RNGTT: variants seen among roughly 807,000 people sequenced by gnomAD.
RNGTT encodes the protein RNA guanylyltransferase and 5'-phosphatase, also known as mRNA-capping enzyme.
A neutral mutation model predicts 79.3 loss-of-function variants in RNGTT; 33 were observed. That is an observed-to-expected ratio of 0.42 (90% CI 0.32 to 0.56). The LOEUF is 0.56. Ranked by LOEUF, RNGTT falls within the 20% of genes least tolerant of loss-of-function variation. The probability of loss-of-function intolerance (pLI) is 0.17; values close to 1 mark genes in which losing one functional copy is unlikely to be tolerated. For synonymous variants in RNGTT, 222 were observed against 235.9 expected, an observed-to-expected ratio of 0.94 and a Z score of 0.54; for missense variants, 497 against 739.1, an observed-to-expected ratio of 0.67 and a Z score of 3.80.
At chr6:88,739,761 ATATATATATATATATATG>A (rs1777417835) in intron 13 of RNGTT, among the ~76,000 whole-genome samples, 1 of 61,746 alleles carries the variant, frequency 1.6e-5, no homozygotes, top group Non-Finnish European at 4.1e-5. Context: ...ATATATATAT[ATATATATATATATATATG>A]TTAACACATG....
In RNGTT at chr6:88,801,549, G is replaced by T; in HGVS notation, c.1338+15C>A. On this transcript the variant is annotated intron_variant, in intron 12 of 15. Transcript: ENST00000369485. The stretch of plus-strand genomic sequence containing the variant: ...ACACACAAACGAACACACACACACA[G>T]ACAAATGAACTTACTCCAGTAGGCT... The T allele has an allele frequency of 6.3e-7, 1 of 1,596,036 alleles. No individual in the cohort carries two copies. Among genetic ancestry groups the T allele is most frequent in the South Asian group, 1.1e-5 (1 of 90,266 alleles).
intron 13 of RNGTT, among the ~76,000 whole-genome samples, chr6:88,699,682 A>G (rs1775879846): frequency 1.3e-5 from 2 of 152,304 alleles, no homozygotes; most frequent in Admixed American, 1.3e-4. Context: ...AAACAAAAAA[A>G]CACAATGGAT....
intron 11 of RNGTT, among the ~76,000 whole-genome samples, chr6:88,826,070 T>C (rs1252839853): frequency 2.0e-5 from 3 of 152,232 alleles, no homozygotes; most frequent in Non-Finnish European, 4.4e-5. Context: ...CGTTCACATG[T>C]CTGAAAACAG....
At chr6:88,632,494 G>C (rs373742799) in intron 14 of RNGTT, among the ~76,000 whole-genome samples, 29 of 150,236 alleles carry the variant, frequency 1.9e-4, no homozygotes, top group African/African-American at 6.9e-4. Context: ...TTTATCTAAT[G>C]CAAGAAAAAC....
intron 13 of RNGTT, among the ~76,000 whole-genome samples, chr6:88,759,841 T>C (rs1306681625): frequency 6.7e-6 from 1 of 149,406 alleles, no homozygotes; most frequent in African/African-American, 2.5e-5. Context: ...AATCCTATGT[T>C]CCTAAGTTAC....
chr6:88,657,730 G>A (rs1228243420), intron 14 of RNGTT, among the ~76,000 whole-genome samples: 1 of 152,112 alleles, frequency 6.6e-6, no homozygotes, highest in African/African-American at 2.4e-5. Flanking sequence ...GGGCACAGTG[G>A]GAGGAAGACT....
intron 14 of RNGTT, among the ~76,000 whole-genome samples, chr6:88,632,538 CACACAG>C (rs774075963): frequency 0.023 from 2,188 of 96,316 alleles, 27 homozygotes; most frequent in African/African-American, 0.05. Flanking sequence ...GACACACAGA[CACACAG>C]ACACACACAC....
At chr6:88,685,846 C>T (rs1775257928) in intron 13 of RNGTT, among the ~76,000 whole-genome samples, 1 of 151,652 alleles carries the variant, frequency 6.6e-6, no homozygotes, top group Admixed American at 6.6e-5. Flanking sequence ...AGAGGAAACA[C>T]ACTTAATGGG....
chr6:88,730,515 A>T (rs911244989), intron 13 of RNGTT, among the ~76,000 whole-genome samples: 4 of 152,218 alleles, frequency 2.6e-5, no homozygotes, highest in African/African-American at 9.6e-5. Context: ...TGCCTTGCTC[A>T]GAATTAAAAA....
At chr6:88,695,542 C>T (rs1439402840) in intron 13 of RNGTT, among the ~76,000 whole-genome samples, 1 of 152,124 alleles carries the variant, frequency 6.6e-6, no homozygotes, top group Non-Finnish European at 1.5e-5. Flanking sequence ...CTTTTGTATA[C>T]TATTGGTGGG....
At chr6:88,929,803 T>C (rs531159451) in intron 2 of RNGTT, among the ~76,000 whole-genome samples, 4 of 151,848 alleles carry the variant, frequency 2.6e-5, no homozygotes, top group African/African-American at 9.7e-5. Context: ...ATATATGATG[T>C]GTATATATAT....
intron 13 of RNGTT, among the ~76,000 whole-genome samples, chr6:88,720,452 T>C (rs55775705): frequency 0.025 from 3,734 of 152,156 alleles, 140 homozygotes; most frequent in African/African-American, 0.085. Context: ...ATACAAGTTA[T>C]ACCACCTCTC....
chr6:88,809,877 T>C (rs576503893), intron 11 of RNGTT, among the ~76,000 whole-genome samples: 1 of 150,970 alleles, frequency 6.6e-6, no homozygotes, highest in African/African-American at 2.4e-5. Flanking sequence ...AGTGAGACCC[T>C]GTCTCTACAA....
intron 8 of RNGTT, among the ~76,000 whole-genome samples, chr6:88,864,033 C>T (rs1207891168): frequency 6.6e-6 from 1 of 152,228 alleles, no homozygotes; most frequent in Non-Finnish European, 1.5e-5. Context: ...CTCCACTGCT[C>T]AGGAATTTGT....
intron 8 of RNGTT, among the ~76,000 whole-genome samples, chr6:88,884,054 A>C (rs938876899): frequency 1.3e-5 from 2 of 152,214 alleles, no homozygotes; most frequent in African/African-American, 4.8e-5. Flanking sequence ...GTGGGAATAC[A>C]ATCTGGCACT....
chr6:88,649,174 T>C (rs1773698230), intron 14 of RNGTT, among the ~76,000 whole-genome samples: 1 of 152,212 alleles, frequency 6.6e-6, no homozygotes, highest in South Asian at 2.1e-4. Flanking sequence ...TGTTTGTATG[T>C]TTGTTTTTGA....
intron 11 of RNGTT, among the ~76,000 whole-genome samples, chr6:88,814,551 T>C (rs993581444): frequency 6.6e-5 from 10 of 152,224 alleles, no homozygotes; most frequent in African/African-American, 2.2e-4. Context: ...TTGATATCAT[T>C]AAACCTTTGT....
intron 14 of RNGTT, among the ~76,000 whole-genome samples, chr6:88,636,211 C>G (rs950427036): frequency 6.6e-6 from 1 of 152,036 alleles, no homozygotes; most frequent in Non-Finnish European, 1.5e-5. Flanking sequence ...CTGATACATA[C>G]ATTTGTTGAG....
intron 13 of RNGTT, among the ~76,000 whole-genome samples, chr6:88,719,242 A>C (rs1776625003): frequency 6.6e-6 from 1 of 152,126 alleles, no homozygotes. Context: ...CACATTTGAC[A>C]TTTGGCTTTC....
Sources: gnomAD v4.1 joint callset for allele counts (sites outside exome capture counted in the v4.1 genomes callset) on GRCh38, gnomAD v4.1.1 for gene constraint, MANE v1.5 for transcripts, NCBI Gene and HGNC (gene_info 2026-07-23, HGNC 2026-07-21) for gene names.